CNOT2: variants seen among roughly 807,000 people sequenced by gnomAD.
CNOT2 encodes the protein CC chemokine receptor 4-negative regulator of transcription 2.
In CNOT2, 7 loss-of-function variants were observed where a neutral mutation model predicts 72.1. That is an observed-to-expected ratio of 0.10 (90% CI 0.06 to 0.18). The LOEUF is 0.18. Ranked by LOEUF, CNOT2 falls within the 10% of genes least tolerant of loss-of-function variation. The probability of loss-of-function intolerance (pLI) is 1.00; values close to 1 mark genes in which losing one functional copy is unlikely to be tolerated. For missense variants in CNOT2, 345 were observed against 660.3 expected (o/e 0.52, Z 5.23); for synonymous variants, 196 against 225.6 (o/e 0.87, Z 1.17).
chr12:70,256,917 T>C (rs1958480917), intron 1 of CNOT2, among the ~76,000 whole-genome samples: 1 of 152,198 alleles, frequency 6.6e-6, no homozygotes, highest in African/African-American at 2.4e-5. Flanking sequence ...GTAACCTGTA[T>C]TGAAAAAACA....
At chr12:70,265,597 T>G (rs931001798) in intron 1 of CNOT2, among the ~76,000 whole-genome samples, 5 of 152,026 alleles carry the variant, frequency 3.3e-5, no homozygotes, top group Non-Finnish European at 5.9e-5. Context: ...AGAATTAGAT[T>G]TTCTGTTTTG....
In CNOT2 at chr12:70,342,102, T is replaced by C; in HGVS notation, c.1179-5T>C. ...TCAAAATGTTTTCTTTTCCTCCTTA[T>C]TCAGAAATCTCTACCCCAAATTTGC... On this transcript the variant is annotated splice_region_variant and splice_polypyrimidine_tract_variant and intron_variant, in intron 11 of 15. Coordinates refer to ENST00000229195, the MANE Select transcript of CNOT2 (RefSeq NM_014515.7). The C allele has an allele frequency of 6.4e-7, 1 of 1,552,288 alleles. No individual in the cohort carries two copies. Among genetic ancestry groups the C allele is most frequent in the Non-Finnish European group, 8.9e-7 (1 of 1,123,788 alleles).
intron 1 of CNOT2, among the ~76,000 whole-genome samples, chr12:70,270,160 ATACT>A (rs1959186886): frequency 6.6e-6 from 1 of 152,172 alleles, no homozygotes; most frequent in Non-Finnish European, 1.5e-5. Flanking sequence ...TTATTTTTAA[ATACT>A]TGTTTCAAAA....
At chr12:70,292,943 G>A (rs1246482095) in intron 2 of CNOT2, among the ~76,000 whole-genome samples, 1 of 151,930 alleles carries the variant, frequency 6.6e-6, no homozygotes, top group African/African-American at 2.4e-5. Context: ...ACATAAATTA[G>A]GATTCTGATA....
intron 2 of CNOT2, 87 bp from the exon 3 acceptor site, chr12:70,310,808 T>G: frequency 8.7e-7 from 1 of 1,149,334 alleles, no homozygotes; most frequent in Non-Finnish European, 1.2e-6. Flanking sequence ...CAATGCTCCC[T>G]TCATGTTCTG....
intron 2 of CNOT2, among the ~76,000 whole-genome samples, chr12:70,298,303 G>C (rs964673589): frequency 8.6e-5 from 13 of 152,046 alleles, no homozygotes; most frequent in Admixed American, 6.6e-4. Flanking sequence ...CTTTTTATTT[G>C]CTCCTTACTG....
At chr12:70,336,859 G>A (rs551997736) in intron 8 of CNOT2, 15 of 152,946 alleles carry the variant, frequency 9.8e-5, no homozygotes, top group Admixed American at 4.6e-4. Context: ...CTAATGCCAA[G>A]TATAGTGGGA....
intron 4 of CNOT2, among the ~76,000 whole-genome samples, chr12:70,319,720 C>CT (rs1555201658): frequency 1.3e-5 from 2 of 149,558 alleles, no homozygotes; most frequent in African/African-American, 2.4e-5. Flanking sequence ...ACTGGCTACT[C>CT]TGTGTGTGTG....
At chr12:70,305,720 G>A (rs1210491300) in intron 2 of CNOT2, among the ~76,000 whole-genome samples, 1 of 152,098 alleles carries the variant, frequency 6.6e-6, no homozygotes, top group East Asian at 1.9e-4. Flanking sequence ...GTCATGTTGA[G>A]GTGATGATCT....
chr12:70,338,582 A>G lies in CNOT2; in HGVS notation c.1021+19A>G. ...CCTGATGGTGGGACTCTAGAAATCT[A>G]TGTCAAAGATATTATAGAATGCTTT... On this transcript the variant is annotated intron_variant, in intron 10 of 15. Coordinates refer to ENST00000229195, the MANE Select transcript of CNOT2 (RefSeq NM_014515.7). 1 of 1,601,778 alleles carries G rather than the reference A, an allele frequency of 6.2e-7. No individual in the cohort carries two copies. The highest frequency in any genetic ancestry group is 1.1e-5 in the South Asian group (1 of 88,994).
chr12:70,267,878 T>C (rs1225199058), intron 1 of CNOT2, among the ~76,000 whole-genome samples: 1 of 152,260 alleles, frequency 6.6e-6, no homozygotes, highest in African/African-American at 2.4e-5. Context: ...TTTGTTAGTT[T>C]ATATATTGTC....
intron 4 of CNOT2, chr12:70,322,944 T>C (rs1158205056): frequency 6.6e-6 from 1 of 151,760 alleles, no homozygotes; most frequent in Non-Finnish European, 1.5e-5. Context: ...TTGGGGAAGA[T>C]AGGACATATT....
intron 1 of CNOT2, among the ~76,000 whole-genome samples, chr12:70,271,375 CT>C (rs11285130): frequency 0.58 from 51,636 of 89,246 alleles, 12,810 homozygotes; most frequent in Middle Eastern, 0.72. Context: ...ATCACATTTC[CT>C]TTTTTTTTTT....
intron 1 of CNOT2, among the ~76,000 whole-genome samples, chr12:70,249,961 G>C (rs1958058080): frequency 6.6e-6 from 1 of 152,008 alleles, no homozygotes; most frequent in African/African-American, 2.4e-5. Flanking sequence ...AAAAATTGGA[G>C]CCATAATCTT....
chr12:70,337,120 C>T, intron 8 of CNOT2: 2 of 219,840 alleles, frequency 9.1e-6, no homozygotes, highest in Non-Finnish European at 1.8e-5. Flanking sequence ...ATAATTAATC[C>T]AATATCAAAT....
At chr12:70,299,567 GA>G (rs763415227) in intron 2 of CNOT2, among the ~76,000 whole-genome samples, 176 of 152,182 alleles carry the variant, frequency 1.2e-3, no homozygotes, top group Non-Finnish European at 2.2e-3. Context: ...CCTTTTTTAT[GA>G]CTGCATAGTA....
intron 2 of CNOT2, among the ~76,000 whole-genome samples, chr12:70,281,035 A>G (rs962464828): frequency 1.4e-4 from 21 of 151,954 alleles, no homozygotes; most frequent in Non-Finnish European, 1.5e-5. Flanking sequence ...ATGCACATGC[A>G]CAAATGTAAA....
intron 3 of CNOT2, among the ~76,000 whole-genome samples, chr12:70,318,775 A>G (rs1877789218): frequency 6.6e-6 from 1 of 151,854 alleles, no homozygotes; most frequent in Admixed American, 6.6e-5. Context: ...GCAAATATGC[A>G]CACACACATA....
chr12:70,349,051 AG>A (rs1156689637), intron 15 of CNOT2, among the ~76,000 whole-genome samples: 1 of 152,136 alleles, frequency 6.6e-6, no homozygotes, highest in Non-Finnish European at 1.5e-5. Flanking sequence ...TTATTTTCAT[AG>A]TAATGAAAAC....
Sources: allele counts gnomAD v4.1 joint callset (sites outside exome capture counted in the v4.1 genomes callset), GRCh38; gene constraint gnomAD v4.1.1; transcripts MANE v1.5; gene names NCBI Gene and HGNC (gene_info 2026-07-23, HGNC 2026-07-21).